Variants in SLC39A11 observed in about 807,000 individuals in gnomAD.
SLC39A11 encodes the protein zinc transporter ZIP11.
Under a neutral mutation model 36.1 loss-of-function variants are expected in SLC39A11, and 33 were observed. The observed-to-expected ratio is 0.91, with a 90% confidence interval of 0.69 to 1.22. The LOEUF (loss-of-function observed/expected upper bound fraction) is 1.22, where lower values mean the gene tolerates loss of function less well. SLC39A11 is among the 50% of genes most tolerant of loss of function. The pLI, the probability that SLC39A11 is intolerant of heterozygous loss-of-function variation, is 0.00. For missense variants in SLC39A11, 432 were observed against 430.3 expected (o/e 1.00, Z -0.03); for synonymous variants, 166 against 170.3 (o/e 0.97, Z 0.20).
intron 3 of SLC39A11, among the ~76,000 whole-genome samples, chr17:73,045,538 C>A (rs1402467268): frequency 6.6e-6 from 1 of 152,056 alleles, no homozygotes; most frequent in African/African-American, 2.4e-5. Context: ...GACTGGAGCT[C>A]CCATTGGCAA....
Position 73,037,073 on chromosome 17 carries a change from T to C in SLC39A11, c.148-5359A>G, listed in dbSNP as rs368769781. Among the ~76,000 whole-genome samples the C allele has an allele frequency of 3.5e-4, 54 of 152,362 alleles. 1 individual carries two copies. In the East Asian group the frequency reaches 9.2e-3, roughly 26 times the overall value. ...TCATGACTTGATAAAGCATTTCCTT[T>C]TAGCACTGGATAATATTCTATTGTC... On this transcript the variant is annotated intron_variant, in intron 3 of 9. Transcript: ENST00000255559.
At chr17:72,984,237 T>C (rs1035329984) in intron 4 of SLC39A11, among the ~76,000 whole-genome samples, 4 of 152,064 alleles carry the variant, frequency 2.6e-5, no homozygotes, top group African/African-American at 9.7e-5. Context: ...GCTTGTAGCA[T>C]TGCATTGCAC....
In SLC39A11 at chr17:72,914,315, C is replaced by CG. The variant is rs200098159; in HGVS notation, c.430+33436dup. Among the ~76,000 whole-genome samples the CG allele has an allele frequency of 1.8e-3, 261 of 143,654 alleles. 1 individual carries two copies. Among genetic ancestry groups the CG allele is most frequent in the East Asian group, 7.6e-3 (38 of 5,002 alleles). The allele number at this position is 143,654 out of a possible 152,430, so 94.2% of individuals were successfully genotyped here. On this transcript the variant is annotated intron_variant, in intron 5 of 9. Coordinates refer to ENST00000255559, the MANE Select transcript of SLC39A11 (RefSeq NM_139177.4). ...TGGACGACAGAGCGAGACTCCATCT[C>CG]GGGGGAAAAAAAAAAGAAAAAAGAA...
At chr17:72,748,088 G>A (rs550255485) in intron 6 of SLC39A11, among the ~76,000 whole-genome samples, 5 of 152,294 alleles carry the variant, frequency 3.3e-5, no homozygotes, top group South Asian at 2.1e-4. Context: ...TTGGGAGGCC[G>A]AGGCGGGTGG....
chr17:73,062,614 C>A (rs1397565920), intron 3 of SLC39A11, among the ~76,000 whole-genome samples: 1 of 77,352 alleles, frequency 1.3e-5, no homozygotes, highest in Non-Finnish European at 2.5e-5. Flanking sequence ...TAGAAACTTT[C>A]CATGTAGAAA....
chr17:73,016,943 T>A (rs546973098), intron 4 of SLC39A11, among the ~76,000 whole-genome samples: 1 of 152,328 alleles, frequency 6.6e-6, no homozygotes, highest in East Asian at 1.9e-4. Flanking sequence ...TAAGCGCCTG[T>A]TAATTAAAAG....
chr17:73,058,007 CTCTT>C (rs2059723890), intron 3 of SLC39A11, among the ~76,000 whole-genome samples: 1 of 102,920 alleles, frequency 9.7e-6, no homozygotes, highest in South Asian at 3.5e-4. Context: ...TCGTTTTAGA[CTCTT>C]TTTTTTTTTT....
At chr17:72,994,529 C>T (rs146651806) in intron 4 of SLC39A11, among the ~76,000 whole-genome samples, 282 of 152,052 alleles carry the variant, frequency 1.9e-3, no homozygotes, top group African/African-American at 6.6e-3. Context: ...GGCATGGTGG[C>T]GGTTACAAAG....
At chr17:72,939,960 A>T (rs566177262) in intron 5 of SLC39A11, among the ~76,000 whole-genome samples, 1 of 152,216 alleles carries the variant, frequency 6.6e-6, no homozygotes, top group Non-Finnish European at 1.5e-5. Flanking sequence ...AAATGTTCCA[A>T]GGAGCATTTC....
intron 4 of SLC39A11, among the ~76,000 whole-genome samples, chr17:72,974,395 C>T (rs1264445229): frequency 2.8e-5 from 4 of 144,232 alleles, no homozygotes; most frequent in East Asian, 4.1e-4. Flanking sequence ...CCACCACACC[C>T]GGCCTAATGT....
At chr17:72,722,855 G>T (rs60259310) in intron 7 of SLC39A11, among the ~76,000 whole-genome samples, 1 of 151,932 alleles carries the variant, frequency 6.6e-6, no homozygotes, top group Non-Finnish European at 1.5e-5. Flanking sequence ...AAGCCGGTCT[G>T]TATCTCCTGA....
chr17:72,778,115 C>T (rs2076197759), intron 6 of SLC39A11, among the ~76,000 whole-genome samples: 1 of 152,090 alleles, frequency 6.6e-6, no homozygotes, highest in African/African-American at 2.4e-5. Flanking sequence ...ATGTTGGCCA[C>T]ACTGGTCTTG....
chr17:72,673,255 C>T (rs1230781118), intron 7 of SLC39A11, among the ~76,000 whole-genome samples: 8 of 152,094 alleles, frequency 5.3e-5, no homozygotes, highest in Admixed American at 6.5e-5. Context: ...CAGGTGTGTG[C>T]CACCACACCT....
intron 6 of SLC39A11, among the ~76,000 whole-genome samples, chr17:72,804,091 G>T (rs571317392): frequency 6.6e-6 from 1 of 152,124 alleles, no homozygotes; most frequent in Non-Finnish European, 1.5e-5. Flanking sequence ...CGCCTCCTGG[G>T]TTCACGCCAT....
intron 7 of SLC39A11, among the ~76,000 whole-genome samples, chr17:72,677,089 G>A (rs2071297087): frequency 6.6e-6 from 1 of 152,190 alleles, no homozygotes; most frequent in Non-Finnish European, 1.5e-5. Context: ...TGGGTGCCTT[G>A]GGTAGCCACT....
intron 5 of SLC39A11, among the ~76,000 whole-genome samples, chr17:72,858,958 T>C (rs1430355617): frequency 6.6e-6 from 1 of 152,236 alleles, no homozygotes; most frequent in Admixed American, 6.5e-5. Flanking sequence ...TAGTTTGATT[T>C]CCTGTCTTCC....
At chr17:72,675,317 C>T (rs2071207388) in intron 7 of SLC39A11, among the ~76,000 whole-genome samples, 1 of 152,168 alleles carries the variant, frequency 6.6e-6, no homozygotes, top group East Asian at 1.9e-4. Context: ...GGCTACACAG[C>T]AGGGAAACAC....
intron 5 of SLC39A11, among the ~76,000 whole-genome samples, chr17:72,858,881 A>G (rs1270943972): frequency 6.6e-6 from 1 of 152,218 alleles, no homozygotes; most frequent in Admixed American, 6.5e-5. Flanking sequence ...TTTATCAGCT[A>G]AAGAAGCTTT....
intron 6 of SLC39A11, among the ~76,000 whole-genome samples, chr17:72,761,553 T>C (rs1317602229): frequency 6.6e-6 from 1 of 152,026 alleles, no homozygotes; most frequent in Non-Finnish European, 1.5e-5. Context: ...TTTCACATTT[T>C]CAAACATAAT....
Sources: gnomAD v4.1 joint callset for allele counts (sites outside exome capture counted in the v4.1 genomes callset) on GRCh38, gnomAD v4.1.1 for gene constraint, MANE v1.5 for transcripts, NCBI Gene and HGNC (gene_info 2026-07-23, HGNC 2026-07-21) for gene names.